The following TRAPPC6A variants were observed in gnomAD, a reference collection of about 807,000 sequenced individuals.
TRAPPC6A encodes TRAPP complex subunit 6A.
A neutral mutation model predicts 20.8 loss-of-function variants in TRAPPC6A; 25 were observed. The ratio of observed to expected loss-of-function variants is 1.20; its 90% confidence interval spans 0.88 to 1.68. The LOEUF is 1.68. Among genes scored for constraint, TRAPPC6A ranks in the 40% most tolerant of loss-of-function variants. The pLI is 0.00. For missense variants in TRAPPC6A, 215 were observed against 211.6 expected, an observed-to-expected ratio of 1.02 and a Z score of -0.10; for synonymous variants, 96 against 93.3, an observed-to-expected ratio of 1.03 and a Z score of -0.16.
chr19:45,164,346 G>C, intron 3 of TRAPPC6A, 99 bp from the exon 4 acceptor site: 1 of 788,740 alleles, frequency 1.3e-6, no homozygotes, highest in Middle Eastern at 2.4e-4. Flanking sequence ...GGCTGAGGTT[G>C]GGAAGGCCCC....
At chr19:45,174,989 C>T (rs1021071995) in intron 1 of TRAPPC6A, among the ~76,000 whole-genome samples, 3 of 146,128 alleles carry the variant, frequency 2.1e-5, no homozygotes, top group Non-Finnish European at 4.5e-5. Flanking sequence ...TTGCCAGGCG[C>T]GGTGGCTCAC....
At chr19:45,170,729 G>A (rs1306209623) in intron 1 of TRAPPC6A, among the ~76,000 whole-genome samples, 1 of 152,216 alleles carries the variant, frequency 6.6e-6, no homozygotes, top group Non-Finnish European at 1.5e-5. Context: ...TCACAGTGGT[G>A]GTGTGACTGG....
chr19:45,164,268 G>A lies in TRAPPC6A; in HGVS notation c.271-21C>T, dbSNP rs140184899. ...GTCCCCTGGGGGAGAGGAGAGGCTG[G>A]TGGGTGGGGTCGGGGCCTGTACATT... On this transcript the variant is annotated intron_variant, in intron 3 of 5. Coordinates refer to ENST00000585934, the MANE Select transcript of TRAPPC6A (RefSeq NM_001270891.2). The A allele has an allele frequency of 2.7e-3, 4,175 of 1,546,658 alleles. 76 individuals carry two copies. Among genetic ancestry groups the A allele is most frequent in the East Asian group, 0.018 (819 of 44,334 alleles).
At chr19:45,165,271 G>T in intron 1 of TRAPPC6A, 77 bp from the exon 2 acceptor site, 1 of 1,433,804 alleles carries the variant, frequency 7.0e-7, no homozygotes. Context: ...GGACCTGCCA[G>T]GGGACCCAAA....
chr19:45,163,870 A>C lies in TRAPPC6A; in HGVS notation c.448+46T>G. The C allele has an allele frequency of 1.4e-6, 2 of 1,458,030 alleles. No individual in the cohort carries two copies. Among genetic ancestry groups the C allele is most frequent in the Non-Finnish European group, 1.9e-6 (2 of 1,063,046 alleles). 90.3% of individuals were successfully genotyped at this position (1,458,030 alleles called of 1,614,324 possible). ...GTGGGGCTGGAACTCTGAAGCCCCCAGCAACTCAAGGGATGAGAAGAATCC... is the reference window on the plus strand; with the variant it reads ...GTGGGGCTGGAACTCTGAAGCCCCCCGCAACTCAAGGGATGAGAAGAATCC... On this transcript the variant is annotated intron_variant, in intron 5 of 5. Transcript: ENST00000585934. This position sits in a 1 kb window ranked among gnomAD's most constrained non-coding sequence, Gnocchi z 5.3.
Position 45,173,027 on chromosome 19 carries a change from T to C in TRAPPC6A, c.84+5108A>G, listed in dbSNP as rs1201384101. On this transcript the variant is annotated intron_variant, in intron 1 of 5. Transcript: ENST00000585934. This position sits in a 1 kb window ranked among gnomAD's most constrained non-coding sequence, Gnocchi z 4.8. ...CTCCTCAGATAAGGGGCTGCCCAAG[T>C]GCACTCTCGGGGTGTGGTGGATGGA... Among the ~76,000 whole-genome samples, 1 of 151,086 alleles carries C rather than the reference T, an allele frequency of 6.6e-6. No homozygotes were observed.
chr19:45,166,103 G>C (rs1021041932), intron 1 of TRAPPC6A, among the ~76,000 whole-genome samples: 2 of 151,802 alleles, frequency 1.3e-5, no homozygotes, highest in African/African-American at 2.4e-5. Flanking sequence ...TTAGAGACAG[G>C]GTTTCACTGT....
At chr19:45,177,029 T>A (rs1386221561) in intron 1 of TRAPPC6A, among the ~76,000 whole-genome samples, 2 of 151,898 alleles carry the variant, frequency 1.3e-5, no homozygotes, top group African/African-American at 4.8e-5. Context: ...ATACAAAAAA[T>A]TAGCCAGGTG....
chr19:45,164,773 T>C, intron 3 of TRAPPC6A, 80 bp downstream of exon 3: 2 of 1,376,166 alleles, frequency 1.5e-6, no homozygotes, highest in Non-Finnish European at 2.1e-6. Flanking sequence ...GCCGCTGCTC[T>C]GGCGCCGGGG....
chr19:45,174,852 G>A (rs775722283), intron 1 of TRAPPC6A, among the ~76,000 whole-genome samples: 4 of 151,888 alleles, frequency 2.6e-5, no homozygotes, highest in Non-Finnish European at 5.9e-5. Context: ...CGGGCGTGGT[G>A]GCTCACGCCT....
intron 1 of TRAPPC6A, among the ~76,000 whole-genome samples, chr19:45,170,713 A>G (rs375705027): frequency 1.3e-5 from 2 of 152,176 alleles, no homozygotes; most frequent in African/African-American, 4.8e-5. Context: ...TAATGGCAGT[A>G]CCTGCTCACA....
chr19:45,174,569 TC>T (rs1289392585), intron 1 of TRAPPC6A, among the ~76,000 whole-genome samples: 1 of 152,032 alleles, frequency 6.6e-6, no homozygotes, highest in African/African-American at 2.4e-5. Flanking sequence ...ACACCTGTAA[TC>T]CCAGGTGTGA....
Position 45,178,213 on chromosome 19 carries a change from C to A in TRAPPC6A, c.6G>T (p.Ala2=), listed in dbSNP as rs1391572986. 4 of 1,595,982 alleles carry A rather than the reference C, an allele frequency of 2.5e-6. No individual in the cohort carries two copies. The highest frequency in any genetic ancestry group is 1.3e-5 in the African/African-American group (1 of 74,340). The change falls in exon 1 of 6, where the codon GCG becomes GCT. Residue 2 remains alanine (A), a synonymous_variant. Transcript: ENST00000585934. ...GAAGAAACTCAAACAACACAGTATC[C>A]GCCATGCCCCCTCCTCGCACGCCTA... M[A]DTVLFEFLHT... is the part of the protein sequence containing the mutation.
rs1177774199 is a variant in TRAPPC6A, at chr19:45,173,338, TA to T, written c.84+4796del. On this transcript the variant is annotated intron_variant, in intron 1 of 5. Transcript: ENST00000585934. This position sits in a 1 kb window ranked among gnomAD's most constrained non-coding sequence, Gnocchi z 4.8. ...CAAATAACCACCGTACCAGGCAGGA[TA>T]GGAGGTCACAAAAGCCCTACACACT... Among the ~76,000 whole-genome samples the T allele has an allele frequency of 6.6e-6, 1 of 151,398 alleles. No homozygotes were observed. The highest frequency in any genetic ancestry group is 6.6e-5 in the Admixed American group (1 of 15,192).
chr19:45,171,233 C>T (rs897721458), intron 1 of TRAPPC6A, among the ~76,000 whole-genome samples: 22 of 152,148 alleles, frequency 1.4e-4, no homozygotes, highest in Admixed American at 1.2e-3. Context: ...ACCCGGGAGG[C>T]AGAGGTTTCA....
chr19:45,175,296 G>A (rs1253318255), intron 1 of TRAPPC6A, among the ~76,000 whole-genome samples: 53 of 144,306 alleles, frequency 3.7e-4, no homozygotes, highest in Admixed American at 1.8e-3. Flanking sequence ...GTGTGGTGTC[G>A]GGCACCTGTG....
intron 1 of TRAPPC6A, among the ~76,000 whole-genome samples, chr19:45,174,165 G>A (rs1017344053): frequency 3.3e-5 from 5 of 152,204 alleles, no homozygotes; most frequent in Non-Finnish European, 7.3e-5. Context: ...AAGGAACTCC[G>A]TCCATCAAAG....
At position 45,173,830 on chromosome 19, in the gene TRAPPC6A, G is replaced by A. The variant is rs1381851732; in HGVS notation, c.84+4305C>T. Among the ~76,000 whole-genome samples, 1 of 152,182 alleles carries A rather than the reference G, an allele frequency of 6.6e-6. No individual in the cohort carries two copies. The highest frequency in any genetic ancestry group is 2.1e-4 in the South Asian group (1 of 4,832). On this transcript the variant is annotated intron_variant, in intron 1 of 5. Transcript: ENST00000585934. This position sits in a 1 kb window ranked among gnomAD's most constrained non-coding sequence, Gnocchi z 4.8. Reference sequence around the variant, plus strand: ...TGCAGTTCTCACCCCTAGCTGCAGCGAGAGCCACCTGGGAGCTTTCTGAGG... The same window carrying A: ...TGCAGTTCTCACCCCTAGCTGCAGCAAGAGCCACCTGGGAGCTTTCTGAGG...
At chr19:45,164,064 T>C in intron 4 of TRAPPC6A, 55 bp from the exon 5 acceptor site, 4 of 1,549,654 alleles carry the variant, frequency 2.6e-6, no homozygotes, top group South Asian at 2.4e-5. Context: ...GCACCCGAGG[T>C]CTGGGGCACC....
Sources: allele counts gnomAD v4.1 joint callset (sites outside exome capture counted in the v4.1 genomes callset), GRCh38; gene constraint gnomAD v4.1.1; non-coding constraint Gnocchi (gnomAD v3.1); transcripts MANE v1.5; gene names NCBI Gene and HGNC (gene_info 2026-07-23, HGNC 2026-07-21).